MAD1L1: variants seen among roughly 807,000 people sequenced by gnomAD.
MAD1L1 encodes mitotic spindle assembly checkpoint protein MAD1.
MAD1L1 carries 95 observed loss-of-function variants against 96.9 expected under a neutral mutation model. That is an observed-to-expected ratio of 0.98 (90% CI 0.83 to 1.16). The LOEUF (loss-of-function observed/expected upper bound fraction) is 1.16, where lower values mean the gene tolerates loss of function less well. Among genes scored for constraint, MAD1L1 ranks in the 50% most tolerant of loss-of-function variants. The pLI, the probability that MAD1L1 is intolerant of heterozygous loss-of-function variation, is 0.00. For synonymous variants in MAD1L1, 473 were observed against 396.6 expected (o/e 1.19, Z -2.29); for missense variants, 1,007 against 954.4 (o/e 1.06, Z -0.73).
intron 16 of MAD1L1, among the ~76,000 whole-genome samples, chr7:1,942,062 G>A (rs59559380): frequency 0.039 from 5,917 of 152,226 alleles, 249 homozygotes; most frequent in African/African-American, 0.097. Flanking sequence ...TGACCTCCAC[G>A]CGTTCGTTCC....
In MAD1L1 at chr7:1,839,266, G is replaced by T. The variant is rs536152379; in HGVS notation, c.1999-23038C>A. On this transcript the variant is annotated intron_variant, in intron 18 of 18. Transcript: ENST00000265854. ...GCCCGGGGTCGAGGTGGTGGTCACCGTCTAGTCCCCACCCAGGACAGACAC... is the reference window on the plus strand; with the variant it reads ...GCCCGGGGTCGAGGTGGTGGTCACCTTCTAGTCCCCACCCAGGACAGACAC... Among the ~76,000 whole-genome samples the T allele has an allele frequency of 1.2e-3, 182 of 152,222 alleles. 2 individuals carry two copies. The highest frequency in any genetic ancestry group is 4.0e-3 in the African/African-American group (168 of 41,540).
intron 10 of MAD1L1, among the ~76,000 whole-genome samples, chr7:2,164,023 CT>C (rs1790297726): frequency 6.6e-6 from 1 of 152,154 alleles, no homozygotes; most frequent in African/African-American, 2.4e-5. Context: ...ACTCTGAGCT[CT>C]CCAAACCTCA....
At chr7:1,933,578 A>T (rs529701548) in intron 17 of MAD1L1, among the ~76,000 whole-genome samples, 4 of 152,314 alleles carry the variant, frequency 2.6e-5, no homozygotes, top group Admixed American at 2.0e-4. Context: ...CCTAGCACAG[A>T]CTGCCGGCCG....
At chr7:2,039,233 T>C (rs1245342755) in intron 12 of MAD1L1, among the ~76,000 whole-genome samples, 1 of 152,230 alleles carries the variant, frequency 6.6e-6, no homozygotes, top group Admixed American at 6.5e-5. Flanking sequence ...TTACTCTGTG[T>C]GACGGAGGCA....
intron 11 of MAD1L1, among the ~76,000 whole-genome samples, chr7:2,080,844 A>G (rs754807059): frequency 6.6e-6 from 1 of 151,976 alleles, no homozygotes; most frequent in African/African-American, 2.4e-5. Context: ...TTTTCGCCTC[A>G]TTTCTCGGTT....
chr7:2,162,222 A>G (rs995585963), intron 10 of MAD1L1, among the ~76,000 whole-genome samples: 1 of 152,034 alleles, frequency 6.6e-6, no homozygotes, highest in Non-Finnish European at 1.5e-5. Flanking sequence ...GACATGGGAG[A>G]CTCCATTTTG....
At chr7:1,906,372 A>C (rs73288788) in intron 17 of MAD1L1, among the ~76,000 whole-genome samples, 1 of 152,278 alleles carries the variant, frequency 6.6e-6, no homozygotes, top group African/African-American at 2.4e-5. Flanking sequence ...CTCTCCTGGG[A>C]TATTCATGCC....
At chr7:2,192,136 T>G (rs1329211583) in intron 10 of MAD1L1, among the ~76,000 whole-genome samples, 2 of 152,018 alleles carry the variant, frequency 1.3e-5, no homozygotes, top group African/African-American at 2.4e-5. Context: ...TTTGTTTTTT[T>G]TGTTTTTTTT....
At chr7:1,857,871 T>C (rs975364354) in intron 18 of MAD1L1, among the ~76,000 whole-genome samples, 1 of 152,154 alleles carries the variant, frequency 6.6e-6, no homozygotes, top group East Asian at 1.9e-4. Context: ...CCTGGGGACC[T>C]CCAGGCTGGG....
intron 17 of MAD1L1, among the ~76,000 whole-genome samples, chr7:1,931,562 C>T (rs1049814836): frequency 1.3e-5 from 2 of 152,222 alleles, no homozygotes; most frequent in African/African-American, 4.8e-5. Flanking sequence ...CTGGAATACA[C>T]ATTCTGTGGC....
chr7:2,054,390 G>A (rs1265698622), intron 12 of MAD1L1, among the ~76,000 whole-genome samples: 1 of 152,160 alleles, frequency 6.6e-6, no homozygotes, highest in Non-Finnish European at 1.5e-5. Flanking sequence ...ACTGGAGACG[G>A]GTAAAATGCA....
chr7:2,036,503 C>A (rs190451006), intron 12 of MAD1L1, among the ~76,000 whole-genome samples: 1 of 152,198 alleles, frequency 6.6e-6, no homozygotes, highest in Non-Finnish European at 1.5e-5. Flanking sequence ...ACAATCCATC[C>A]GGTCGTGAGT....
At chr7:1,886,809 G>A (rs1400513632) in intron 18 of MAD1L1, among the ~76,000 whole-genome samples, 2 of 152,270 alleles carry the variant, frequency 1.3e-5, no homozygotes, top group Non-Finnish European at 2.9e-5. Flanking sequence ...GGGGCAGCAG[G>A]TGAGGAGTGA....
intron 17 of MAD1L1, among the ~76,000 whole-genome samples, chr7:1,914,254 G>C (rs913546189): frequency 1.3e-5 from 2 of 152,226 alleles, no homozygotes; most frequent in Non-Finnish European, 2.9e-5. Context: ...GCATCAGCAA[G>C]CGGTGGCTAT....
intron 11 of MAD1L1, among the ~76,000 whole-genome samples, chr7:2,117,854 G>C (rs570629881): frequency 1.3e-5 from 2 of 152,290 alleles, no homozygotes; most frequent in Admixed American, 6.5e-5. Flanking sequence ...ACCCAACCAT[G>C]AAGTGTGTGT....
intron 1 of MAD1L1, 143 bp from the exon 2 acceptor site, chr7:2,230,870 G>A (rs1287039024): frequency 1.3e-5 from 2 of 152,298 alleles, no homozygotes; most frequent in Non-Finnish European, 2.9e-5. Flanking sequence ...TCAGCACCTG[G>A]TCCACTCAGA....
At chr7:1,988,851 C>G (rs1450556929) in intron 14 of MAD1L1, among the ~76,000 whole-genome samples, 1 of 152,236 alleles carries the variant, frequency 6.6e-6, no homozygotes, top group Non-Finnish European at 1.5e-5. Context: ...TGTGCCCGCA[C>G]CAGGCTGCAG....
chr7:1,890,393 C>T (rs567321405), intron 18 of MAD1L1, among the ~76,000 whole-genome samples: 6 of 152,340 alleles, frequency 3.9e-5, no homozygotes, highest in African/African-American at 2.4e-5. Flanking sequence ...AGGAGCCTGG[C>T]ACCCCACCCC....
chr7:1,823,084 G>C (rs1782212887), intron 18 of MAD1L1, among the ~76,000 whole-genome samples: 1 of 151,970 alleles, frequency 6.6e-6, no homozygotes, highest in South Asian at 2.1e-4. Context: ...ACAGGCTAAA[G>C]AATAAACAAC....
Sources: allele counts gnomAD v4.1 joint callset (sites outside exome capture counted in the v4.1 genomes callset), GRCh38; gene constraint gnomAD v4.1.1; transcripts MANE v1.5; gene names NCBI Gene and HGNC (gene_info 2026-07-23, HGNC 2026-07-21).